Variants in NRXN3 observed in about 807,000 individuals in gnomAD.
The protein encoded by NRXN3 is neurexin 3.
In NRXN3, 32 loss-of-function variants were observed where a neutral mutation model predicts 137.6. The ratio of observed to expected loss-of-function variants is 0.23; its 90% CI spans 0.18 to 0.31. The LOEUF (loss-of-function observed/expected upper bound fraction) is 0.31, where lower values mean the gene tolerates loss of function less well. Among genes scored for constraint, NRXN3 ranks in the 10% least tolerant of loss-of-function variants. The probability of loss-of-function intolerance (pLI) is 1.00; values close to 1 mark genes in which losing one functional copy is unlikely to be tolerated. For missense variants in NRXN3, 1,574 were observed against 2,062.5 expected, an observed-to-expected ratio of 0.76 and a Z score of 4.59; for synonymous variants, 798 against 784.5, an observed-to-expected ratio of 1.02 and a Z score of -0.29.
intron 2 of NRXN3, among the ~76,000 whole-genome samples, chr14:78,272,696 C>T (rs1275517606): frequency 6.6e-6 from 1 of 152,158 alleles, no homozygotes; most frequent in Non-Finnish European, 1.5e-5. Context: ...TGGTTTCTGT[C>T]CTGGTTTGCT....
rs73323331 is a variant in NRXN3, at chr14:78,908,125, T to C, written c.2276-49117T>C. On this transcript the variant is annotated intron_variant, in intron 10 of 20. Transcript: ENST00000335750. ...ACGTAAGTGTGCATCTGTCTTTTGA[T>C]AAGAAATAACATCATACATGCAAAC... 8.6e-3 allele frequency among the ~76,000 whole-genome samples: 1,305 copies of C among 152,156 alleles called. 23 individuals are homozygous for C. The highest frequency in any genetic ancestry group is 0.03 in the African/African-American group (1,231 of 41,560).
intron 19 of NRXN3, among the ~76,000 whole-genome samples, chr14:79,799,393 T>A (rs1441632017): frequency 6.6e-6 from 1 of 152,220 alleles, no homozygotes; most frequent in Non-Finnish European, 1.5e-5. Flanking sequence ...TCATGCACTA[T>A]GTTCTATAAA....
At chr14:78,702,451 C>CTTTTTTTTTTTT (rs151197180) in intron 6 of NRXN3, among the ~76,000 whole-genome samples, 3 of 122,700 alleles carry the variant, frequency 2.4e-5, no homozygotes, top group African/African-American at 9.2e-5. Context: ...TTTTTCTTTT[C>CTTTTTTTTTTTT]TTATTTTTTT....
chr14:78,365,337 T>C (rs949562356), intron 4 of NRXN3, among the ~76,000 whole-genome samples: 1 of 152,164 alleles, frequency 6.6e-6, no homozygotes, highest in African/African-American at 2.4e-5. Flanking sequence ...AAAGGTTTAT[T>C]TGTTGCTCAC....
intron 19 of NRXN3, among the ~76,000 whole-genome samples, chr14:79,752,648 A>G (rs1479961027): frequency 1.3e-5 from 2 of 152,128 alleles, no homozygotes; most frequent in Non-Finnish European, 2.9e-5. Flanking sequence ...CATTCAGGAC[A>G]TAGGCATGGG....
chr14:78,643,286 G>A (rs1013780899), intron 4 of NRXN3, among the ~76,000 whole-genome samples: 7 of 152,188 alleles, frequency 4.6e-5, no homozygotes, highest in Admixed American at 4.6e-4. Flanking sequence ...AGCCTGGAGT[G>A]TAGTTCCGGC....
chr14:78,599,549 T>G (rs2097185925), intron 4 of NRXN3, among the ~76,000 whole-genome samples: 1 of 152,206 alleles, frequency 6.6e-6, no homozygotes, highest in Non-Finnish European at 1.5e-5. Flanking sequence ...GTCTGTACAC[T>G]TCTTGGTCTT....
intron 4 of NRXN3, among the ~76,000 whole-genome samples, chr14:78,350,151 TG>T (rs1197165899): frequency 6.6e-6 from 1 of 152,004 alleles, no homozygotes; most frequent in African/African-American, 2.4e-5. Flanking sequence ...TAGCTGAGCA[TG>T]GTGGTGCGTA....
At chr14:79,212,196 C>A (rs1451555296) in intron 15 of NRXN3, among the ~76,000 whole-genome samples, 1 of 152,178 alleles carries the variant, frequency 6.6e-6, no homozygotes, top group Admixed American at 6.6e-5. Flanking sequence ...GTTTGGGCTG[C>A]GGCTTTAGTT....
chr14:79,717,922 G>T (rs1180039522), intron 19 of NRXN3, among the ~76,000 whole-genome samples: 2 of 152,190 alleles, frequency 1.3e-5, no homozygotes, highest in Admixed American at 6.5e-5. Context: ...TGGGAGAGCA[G>T]GGTGATTCCT....
chr14:78,964,780 G>A (rs1208590991), intron 11 of NRXN3, among the ~76,000 whole-genome samples: 1 of 151,690 alleles, frequency 6.6e-6, no homozygotes, highest in Non-Finnish European at 1.5e-5. Context: ...AAAATTTCCA[G>A]TCTCTTTGTA....
intron 15 of NRXN3, among the ~76,000 whole-genome samples, chr14:79,319,666 G>A (rs552841071): frequency 6.6e-6 from 1 of 152,240 alleles, no homozygotes; most frequent in South Asian, 2.1e-4. Flanking sequence ...AGCCTTTCCT[G>A]GACAGATTTT....
At chr14:79,430,828 C>T (rs1313536959) in intron 15 of NRXN3, among the ~76,000 whole-genome samples, 1 of 152,154 alleles carries the variant, frequency 6.6e-6, no homozygotes, top group East Asian at 1.9e-4. Flanking sequence ...CCCTCTTCTG[C>T]TGTTCTTACA....
chr14:79,130,790 A>G (rs1439037050), intron 15 of NRXN3, among the ~76,000 whole-genome samples: 1 of 152,034 alleles, frequency 6.6e-6, no homozygotes, highest in African/African-American at 2.4e-5. Context: ...ACTTGGTTCC[A>G]TTCTCCCCGT....
At chr14:78,357,511 T>C (rs564690629) in intron 4 of NRXN3, among the ~76,000 whole-genome samples, 118 of 152,248 alleles carry the variant, frequency 7.8e-4, no homozygotes, top group African/African-American at 2.8e-3. Context: ...CTTTTTAGGC[T>C]TTGTTTCCCT....
At chr14:79,431,011 T>C (rs1305390299) in intron 15 of NRXN3, among the ~76,000 whole-genome samples, 1 of 152,186 alleles carries the variant, frequency 6.6e-6, no homozygotes, top group Non-Finnish European at 1.5e-5. Context: ...ACACAGAAAT[T>C]ACCATCCTCT....
chr14:78,748,079 C>T (rs1345191796), intron 8 of NRXN3, among the ~76,000 whole-genome samples: 3 of 152,154 alleles, frequency 2.0e-5, no homozygotes, highest in African/African-American at 7.2e-5. Flanking sequence ...CCTCTTTCAA[C>T]ATTTTCTAAT....
At chr14:78,625,185 C>T (rs192660853) in intron 4 of NRXN3, among the ~76,000 whole-genome samples, 154 of 152,282 alleles carry the variant, frequency 1.0e-3, no homozygotes, top group African/African-American at 3.5e-3. Flanking sequence ...AGGGACATCT[C>T]CAAGTTTCCT....
chr14:79,676,194 G>T (rs573234729), intron 17 of NRXN3, among the ~76,000 whole-genome samples: 1 of 152,050 alleles, frequency 6.6e-6, no homozygotes, highest in South Asian at 2.1e-4. Context: ...CACTTTAGAG[G>T]TGGCTCAGCC....
Sources: gnomAD v4.1 joint callset for allele counts (sites outside exome capture counted in the v4.1 genomes callset) on GRCh38, gnomAD v4.1.1 for gene constraint, MANE v1.5 for transcripts, NCBI Gene and HGNC (gene_info 2026-07-23, HGNC 2026-07-21) for gene names.